The following IMMT variants were observed in gnomAD, a reference collection of about 807,000 sequenced individuals.
IMMT encodes the protein inner membrane mitochondrial protein, also known as MICOS complex subunit MIC60.
Under a neutral mutation model 92.7 loss-of-function variants are expected in IMMT, and 40 were observed. That is an observed-to-expected ratio of 0.43 (90% confidence interval 0.34 to 0.56). The LOEUF is 0.56. Ranked by LOEUF, IMMT falls within the 20% of genes least tolerant of loss-of-function variation. The pLI is 0.03. For synonymous variants in IMMT, 322 were observed against 336.1 expected (o/e 0.96, Z 0.46); for missense variants, 831 against 912.1 (o/e 0.91, Z 1.14).
At chr2:86,156,650 G>A (rs2104812822) in intron 10 of IMMT, among the ~76,000 whole-genome samples, 1 of 141,188 alleles carries the variant, frequency 7.1e-6, no homozygotes, top group Middle Eastern at 3.8e-3. Context: ...CAGAAAAAAA[G>A]CAAAAGTTAA....
chr2:86,194,038 T>A (rs1251726245), intron 1 of IMMT, among the ~76,000 whole-genome samples: 2 of 152,232 alleles, frequency 1.3e-5, no homozygotes, highest in African/African-American at 4.8e-5. Flanking sequence ...ATCAATGTTA[T>A]GAATGGCCTC....
At chr2:86,194,169 C>T (rs1380376436) in intron 1 of IMMT, among the ~76,000 whole-genome samples, 1 of 152,230 alleles carries the variant, frequency 6.6e-6, no homozygotes, top group Non-Finnish European at 1.5e-5. Context: ...ATTCTGCCAA[C>T]AAACTGCATG....
intron 3 of IMMT, among the ~76,000 whole-genome samples, chr2:86,176,905 G>T (rs1398072060): frequency 6.6e-6 from 1 of 152,146 alleles, no homozygotes; most frequent in Non-Finnish European, 1.5e-5. Flanking sequence ...CAAGATTTTA[G>T]AATAAATCCA....
chr2:86,171,495 A>C, intron 4 of IMMT, 150 bp from the exon 5 acceptor site: 2 of 704,460 alleles, frequency 2.8e-6, no homozygotes, highest in Non-Finnish European at 5.1e-6. Context: ...TAACACACAA[A>C]CAGGGGCACT....
At chr2:86,162,955 T>C (rs140327671) in intron 7 of IMMT, among the ~76,000 whole-genome samples, 1 of 152,158 alleles carries the variant, frequency 6.6e-6, no homozygotes, top group African/African-American at 2.4e-5. Flanking sequence ...GGATATATAA[T>C]ATTAGGAAGA....
intron 1 of IMMT, among the ~76,000 whole-genome samples, chr2:86,191,586 T>C (rs1416512018): frequency 6.6e-6 from 1 of 151,908 alleles, no homozygotes; most frequent in Non-Finnish European, 1.5e-5. Flanking sequence ...CCAGTCTCCA[T>C]AACTGTGTGA....
intron 1 of IMMT, among the ~76,000 whole-genome samples, chr2:86,188,481 T>C (rs1672926404): frequency 6.6e-6 from 1 of 151,850 alleles, no homozygotes; most frequent in Admixed American, 6.6e-5. Context: ...TGGAGTGCTG[T>C]GGCACCATCA....
intron 1 of IMMT, among the ~76,000 whole-genome samples, chr2:86,182,760 ACTTGAG>A (rs66519028): frequency 0.46 from 69,014 of 150,990 alleles, 16,235 homozygotes; most frequent in Non-Finnish European, 0.51. Context: ...CATGAGAATC[ACTTGAG>A]CTTGAGCCCC....
At chr2:86,144,996 A>G (rs1674885840) in intron 14 of IMMT, 115 bp from the exon 15 acceptor site, 1 of 1,267,498 alleles carries the variant, frequency 7.9e-7, no homozygotes, top group Admixed American at 2.8e-5. Context: ...ATGAGGCCAG[A>G]GAGACTTTCT....
chr2:86,182,334 A>G (rs1242427827), intron 1 of IMMT, among the ~76,000 whole-genome samples: 1 of 152,248 alleles, frequency 6.6e-6, no homozygotes, highest in Non-Finnish European at 1.5e-5. Flanking sequence ...AGAATAACAC[A>G]AACTTCCTTT....
chr2:86,162,085 C>CA lies in IMMT; in HGVS notation c.793-7dup. The CA allele has an allele frequency of 6.5e-7, 1 of 1,539,090 alleles. No homozygotes were observed. Among genetic ancestry groups the CA allele is most frequent in the Admixed American group, 2.0e-5 (1 of 48,978 alleles). ...GATTTCTTCTCGCCTGCAATCTAAA[C>CA]AAAAAATTTTAATTATATAATAAAT... is the stretch of plus-strand genomic sequence containing the variant. On this transcript the variant is annotated splice_polypyrimidine_tract_variant and splice_region_variant and intron_variant, in intron 7 of 14. Coordinates refer to ENST00000410111, the MANE Select transcript of IMMT (RefSeq NM_006839.3).
chr2:86,189,214 G>C (rs995203296), intron 1 of IMMT, among the ~76,000 whole-genome samples: 1 of 151,990 alleles, frequency 6.6e-6, no homozygotes, highest in Admixed American at 6.6e-5. Context: ...AAAAAAAAGA[G>C]GAAACATATA....
At chr2:86,164,187 A>G (rs1676504915) in intron 7 of IMMT, among the ~76,000 whole-genome samples, 1 of 146,820 alleles carries the variant, frequency 6.8e-6, no homozygotes, top group Non-Finnish European at 1.5e-5. Flanking sequence ...TCTCCCGAGT[A>G]GCTGGGATTA....
At chr2:86,167,158 GC>G (rs1676742773) in intron 6 of IMMT, among the ~76,000 whole-genome samples, 1 of 145,700 alleles carries the variant, frequency 6.9e-6, no homozygotes, top group Non-Finnish European at 1.5e-5. Flanking sequence ...AATCTATGAA[GC>G]TTTATTACAC....
rs114088948 is a variant in IMMT at position 86,146,158 on chromosome 2, G to A, written c.1573C>T (p.Arg525Cys). ...TCAACTTGCTCTTGACTGAGACGAC[G>A]AAATTGTAATTCTTGTTCAGAGAGT... is the stretch of plus-strand genomic sequence containing the variant. ...EKLSEQELQFRRLSQEQVDNF... is the reference protein window; with the variant it reads ...EKLSEQELQFCRLSQEQVDNF... Residue 525 changes from arginine to cysteine, a missense_variant, in exon 14 of 15, where the codon CGT becomes TGT. Coordinates refer to ENST00000410111, the MANE Select transcript of IMMT (RefSeq NM_006839.3). 10 of 1,609,928 alleles carry A rather than the reference G, an allele frequency of 6.2e-6. No individual in the cohort carries two copies. The African/African-American group carries it at 6.7e-5, about 11-fold the overall frequency.
chr2:86,187,015 C>T (rs1039281687), intron 1 of IMMT, among the ~76,000 whole-genome samples: 4 of 152,032 alleles, frequency 2.6e-5, no homozygotes, highest in African/African-American at 9.7e-5. Context: ...TACCTGGTGG[C>T]AGGTATTTTT....
chr2:86,173,567 C>T (rs1012498836), intron 4 of IMMT, 83 bp downstream of exon 4: 16 of 819,584 alleles, frequency 2.0e-5, no homozygotes, highest in South Asian at 4.5e-5. Context: ...GCAACAAGAG[C>T]GAAACTCCAT....
chr2:86,154,211 C>T (rs886768978), intron 10 of IMMT, among the ~76,000 whole-genome samples: 2 of 143,140 alleles, frequency 1.4e-5, no homozygotes, highest in African/African-American at 2.6e-5. Context: ...CTCGCTCTGT[C>T]GCCCAGGCTG....
intron 12 of IMMT, among the ~76,000 whole-genome samples, chr2:86,149,901 A>G (rs982142015): frequency 4.0e-5 from 6 of 151,696 alleles, no homozygotes; most frequent in Non-Finnish European, 7.4e-5. Context: ...AAAAAAAAGA[A>G]AGAAAAAGAA....
Sources: allele counts gnomAD v4.1 joint callset (sites outside exome capture counted in the v4.1 genomes callset), GRCh38; gene constraint gnomAD v4.1.1; transcripts MANE v1.5; gene names NCBI Gene and HGNC (gene_info 2026-07-23, HGNC 2026-07-21).